Variants in NRG1 observed in about 807,000 individuals in gnomAD.
NRG1 encodes neuregulin 1, also known as pro-neuregulin-1, membrane-bound isoform.
NRG1 carries 18 observed loss-of-function variants against 63.8 expected under a neutral mutation model. That is an observed-to-expected ratio of 0.28 (90% CI 0.19 to 0.42). NRG1 has a LOEUF of 0.42. Ranked by LOEUF, NRG1 falls within the 10% of genes least tolerant of loss-of-function variation. The pLI is 1.00. For missense variants in NRG1, 762 were observed against 814.7 expected (o/e 0.94, Z 0.79); for synonymous variants, 302 against 301.3 (o/e 1.00, Z -0.02).
intron 1 of NRG1, among the ~76,000 whole-genome samples, chr8:32,097,706 G>A (rs534554358): frequency 1.3e-5 from 2 of 152,292 alleles, no homozygotes; most frequent in South Asian, 4.1e-4. Flanking sequence ...TCACCAAATA[G>A]ATGCAGTTAA....
chr8:32,616,958 C>A, intron 5 of NRG1, 73 bp downstream of exon 5: 1 of 1,085,678 alleles, frequency 9.2e-7, no homozygotes, highest in Non-Finnish European at 1.4e-6. Flanking sequence ...GTCATGTTCA[C>A]GTCTATCTTC....
At chr8:32,457,479 C>T (rs16879432) in intron 1 of NRG1, among the ~76,000 whole-genome samples, 1,903 of 152,178 alleles carry the variant, frequency 0.013, 40 homozygotes, top group African/African-American at 0.043. Flanking sequence ...CCAATTCAAA[C>T]AATACGAACT....
intron 1 of NRG1, among the ~76,000 whole-genome samples, chr8:31,920,872 A>ATAGATAGG (rs1554576912): frequency 1.8e-4 from 25 of 136,590 alleles, no homozygotes; most frequent in African/African-American, 7.0e-4. Context: ...ACATAGATAG[A>ATAGATAGG]TAGATAGATA....
At chr8:32,379,750 TTGTG>T (rs1442220447) in intron 1 of NRG1, among the ~76,000 whole-genome samples, 2 of 152,182 alleles carry the variant, frequency 1.3e-5, no homozygotes, top group Non-Finnish European at 2.9e-5. Context: ...TTATCCAGGG[TTGTG>T]TAGCTGGTTA....
chr8:32,679,796 T>C (rs1373808611), intron 5 of NRG1, among the ~76,000 whole-genome samples: 1 of 152,218 alleles, frequency 6.6e-6, no homozygotes, highest in Non-Finnish European at 1.5e-5. Context: ...TGAGTTCAGA[T>C]ATTCTTGCAT....
Position 31,762,509 on chromosome 8 carries a change from T to C in NRG1, c.37+123078T>C, listed in dbSNP as rs539762672. Among the ~76,000 whole-genome samples the C allele has an allele frequency of 1.1e-3, 162 of 152,340 alleles. 1 individual carries two copies. The highest frequency in any genetic ancestry group is 3.1e-3 in the South Asian group (15 of 4,830). On this transcript the variant is annotated intron_variant, in intron 1 of 10. Coordinates refer to the NRG1 transcript ENST00000519301. ...TAAATAGTGCTGCAATAAACATATGTGTGCATGTGTCTTTATAGTAGAATG... is the reference window on the plus strand; with the variant it reads ...TAAATAGTGCTGCAATAAACATATGCGTGCATGTGTCTTTATAGTAGAATG...
chr8:32,110,852 T>C (rs916553064), intron 1 of NRG1, among the ~76,000 whole-genome samples: 3 of 152,188 alleles, frequency 2.0e-5, no homozygotes, highest in African/African-American at 7.2e-5. Context: ...TGATGCGGTT[T>C]CCCAAACTTG....
intron 1 of NRG1, among the ~76,000 whole-genome samples, chr8:31,992,480 T>TAGG (rs1811265074): frequency 6.6e-6 from 1 of 151,920 alleles, no homozygotes; most frequent in South Asian, 2.1e-4. Context: ...ATGTTAAAAC[T>TAGG]AGGAGCCAAA....
chr8:32,648,111 G>A, intron 5 of NRG1: 2 of 1,614,122 alleles, frequency 1.2e-6, no homozygotes, highest in Non-Finnish European at 1.7e-6. Flanking sequence ...TGCTGCCTCA[G>A]CTGTGTGGGT....
intron 1 of NRG1, among the ~76,000 whole-genome samples, chr8:32,431,325 GC>G (rs1189951686): frequency 3.3e-5 from 5 of 152,272 alleles, no homozygotes; most frequent in African/African-American, 9.6e-5. Flanking sequence ...AGGTATCAGA[GC>G]CCTGGCATAG....
intron 1 of NRG1, among the ~76,000 whole-genome samples, chr8:31,693,433 G>A (rs1194268356): frequency 1.3e-5 from 2 of 151,484 alleles, no homozygotes; most frequent in Non-Finnish European, 2.9e-5. Context: ...AGTTGATGCT[G>A]TTGTTTATTG....
At chr8:32,644,461 C>T (rs995066195) in intron 5 of NRG1, among the ~76,000 whole-genome samples, 1 of 152,176 alleles carries the variant, frequency 6.6e-6, no homozygotes, top group Non-Finnish European at 1.5e-5. Context: ...ACTTCTGGGT[C>T]CTAGTCCCAA....
At chr8:32,106,305 A>T (rs559228140) in intron 1 of NRG1, among the ~76,000 whole-genome samples, 3 of 152,324 alleles carry the variant, frequency 2.0e-5, no homozygotes, top group African/African-American at 7.2e-5. Flanking sequence ...GCTTGTGCAT[A>T]TAACTACATG....
At chr8:31,739,658 A>T (rs553066114) in intron 1 of NRG1, among the ~76,000 whole-genome samples, 1 of 152,072 alleles carries the variant, frequency 6.6e-6, no homozygotes, top group Non-Finnish European at 1.5e-5. Flanking sequence ...AAATGGAGCA[A>T]TGACATTTGG....
intron 1 of NRG1, among the ~76,000 whole-genome samples, chr8:32,402,283 G>A (rs1363312780): frequency 6.6e-6 from 1 of 152,060 alleles, no homozygotes; most frequent in Non-Finnish European, 1.5e-5. Context: ...AACACACCCT[G>A]TCACTCTCAT....
At chr8:31,752,631 A>T (rs1013578246) in intron 1 of NRG1, among the ~76,000 whole-genome samples, 1 of 152,040 alleles carries the variant, frequency 6.6e-6, no homozygotes, top group Non-Finnish European at 1.5e-5. Flanking sequence ...TTGCCAATGG[A>T]TTGAAAATCG....
intron 1 of NRG1, among the ~76,000 whole-genome samples, chr8:31,678,076 C>T (rs1171234849): frequency 9.4e-6 from 1 of 106,524 alleles, no homozygotes; most frequent in African/African-American, 3.1e-5. Context: ...AACCAGAAAA[C>T]CCTTTTAACT....
At position 31,939,710 on chromosome 8, in the gene NRG1, G is replaced by C. The variant is rs568337988; in HGVS notation, c.37+300279G>C. ...CACATAAGGACTCACATCAACTTAA[G>C]ATAAAGGGGTAAAAAAGATATTTTA... On this transcript the variant is annotated intron_variant, in intron 1 of 10. Coordinates refer to the NRG1 transcript ENST00000519301. 4.6e-5 allele frequency among the ~76,000 whole-genome samples: 7 copies of C among 152,112 alleles called. No individual in the cohort carries two copies. In the East Asian group the frequency reaches 9.7e-4, roughly 21 times the overall value.
At chr8:32,354,407 T>C (rs150732194) in intron 1 of NRG1, among the ~76,000 whole-genome samples, 2 of 152,232 alleles carry the variant, frequency 1.3e-5, no homozygotes, top group African/African-American at 4.8e-5. Flanking sequence ...TACTGCATGA[T>C]ACAAAATTCT....
Sources: allele counts gnomAD v4.1 joint callset (sites outside exome capture counted in the v4.1 genomes callset), GRCh38; gene constraint gnomAD v4.1.1; transcripts MANE v1.5; gene names NCBI Gene and HGNC (gene_info 2026-07-23, HGNC 2026-07-21).